SLC35F4: variants seen among roughly 807,000 people sequenced by gnomAD.
The protein encoded by SLC35F4 is chromosome 14 open reading frame 36.
A neutral mutation model predicts 44.2 loss-of-function variants in SLC35F4; 24 were observed. That is an observed-to-expected ratio of 0.54 (90% CI 0.39 to 0.76). The LOEUF (loss-of-function observed/expected upper bound fraction) is 0.76. Among genes scored for constraint, SLC35F4 ranks in the 30% least tolerant of loss-of-function variants. SLC35F4 has a pLI of 0.00. For synonymous variants in SLC35F4, 238 were observed against 223.6 expected (o/e 1.06, Z -0.57); for missense variants, 562 against 586.1 (o/e 0.96, Z 0.42).
At chr14:57,722,152 C>T (rs1235586042) in intron 1 of SLC35F4, among the ~76,000 whole-genome samples, 1 of 152,154 alleles carries the variant, frequency 6.6e-6, no homozygotes, top group African/African-American at 2.4e-5. Context: ...GTGGAAGGAA[C>T]ACAGAGTTGG....
intron 3 of SLC35F4, among the ~76,000 whole-genome samples, chr14:57,588,416 GCTTTTC>G (rs2069934078): frequency 5.9e-5 from 9 of 151,644 alleles, no homozygotes; most frequent in Admixed American, 5.3e-4. Flanking sequence ...TCAGCATCAG[GCTTTTC>G]CTCTTCATGG....
intron 1 of SLC35F4, among the ~76,000 whole-genome samples, chr14:57,893,897 C>T (rs1160758660): frequency 1.3e-5 from 2 of 151,530 alleles, no homozygotes; most frequent in Non-Finnish European, 3.0e-5. Context: ...CATCCCAAAC[C>T]AAACTAATTG....
chr14:57,565,437 C>T (rs1427199174), intron 7 of SLC35F4, among the ~76,000 whole-genome samples: 3 of 152,192 alleles, frequency 2.0e-5, no homozygotes, highest in African/African-American at 7.2e-5. Context: ...TAAAGCAATT[C>T]TATGTTGTAA....
chr14:57,806,066 A>T (rs1388685663), intron 1 of SLC35F4, among the ~76,000 whole-genome samples: 1 of 152,208 alleles, frequency 6.6e-6, no homozygotes, highest in Non-Finnish European at 1.5e-5. Context: ...ATACCACTGG[A>T]AATTACATTT....
At chr14:57,861,954 C>T (rs1887715134) in intron 1 of SLC35F4, among the ~76,000 whole-genome samples, 1 of 152,200 alleles carries the variant, frequency 6.6e-6, no homozygotes, top group Non-Finnish European at 1.5e-5. Flanking sequence ...CACCCAAGTA[C>T]TGGCAAATCC....
chr14:57,583,806 A>G (rs897575690), intron 3 of SLC35F4, among the ~76,000 whole-genome samples: 11 of 152,176 alleles, frequency 7.2e-5, no homozygotes, highest in African/African-American at 2.7e-4. Flanking sequence ...TTAAGCATTA[A>G]ACTCTAAGAA....
intron 1 of SLC35F4, among the ~76,000 whole-genome samples, chr14:57,936,580 A>G (rs2141069363): frequency 6.6e-6 from 1 of 152,350 alleles, no homozygotes; most frequent in South Asian, 2.1e-4. Flanking sequence ...AGAGACATCT[A>G]TGTGCTATTG....
intron 1 of SLC35F4, among the ~76,000 whole-genome samples, chr14:57,720,494 G>C (rs544100748): frequency 7.2e-5 from 11 of 152,232 alleles, no homozygotes; most frequent in Admixed American, 7.2e-4. Flanking sequence ...GTTTTATTAT[G>C]GCATTGATCT....
chr14:57,588,332 C>T (rs573540093), intron 3 of SLC35F4, among the ~76,000 whole-genome samples: 170 of 151,598 alleles, frequency 1.1e-3, no homozygotes, highest in Middle Eastern at 3.4e-3. Flanking sequence ...AACTCTTCTT[C>T]CATCTGCCAT....
intron 1 of SLC35F4, among the ~76,000 whole-genome samples, chr14:57,963,657 A>G (rs1331422109): frequency 6.7e-6 from 1 of 148,442 alleles, no homozygotes; most frequent in Non-Finnish European, 1.5e-5. Context: ...CAGACGACCC[A>G]GGACTCATCT....
chr14:57,875,636 G>A (rs1374415351), intron 1 of SLC35F4, among the ~76,000 whole-genome samples: 1 of 152,204 alleles, frequency 6.6e-6, no homozygotes. Flanking sequence ...CAGCAGTTCA[G>A]TCCAGGCTTA....
intron 1 of SLC35F4, among the ~76,000 whole-genome samples, chr14:57,936,629 C>T (rs879699367): frequency 6.6e-6 from 1 of 152,124 alleles, no homozygotes; most frequent in Non-Finnish European, 1.5e-5. Context: ...GCTAAACATC[C>T]TACAATGCAA....
rs72624737 is a variant in SLC35F4, at chr14:57,882,191, C to G, written n.282+99722G>C. ...CCTCCTGGATCCATCCCCCTTCCCC[C>G]TGGAGAAACTACAGGAACTCCTGAG... On this transcript the variant is annotated intron_variant and non_coding_transcript_variant, in intron 1 of 1. Coordinates refer to the SLC35F4 transcript ENST00000556568. 0.023 allele frequency among the ~76,000 whole-genome samples: 3,441 copies of G among 152,274 alleles called. 426 individuals are homozygous for G. In the East Asian group the frequency reaches 0.39, roughly 17 times the overall value.
At chr14:57,786,039 A>T (rs2077749358) in intron 1 of SLC35F4, among the ~76,000 whole-genome samples, 1 of 151,886 alleles carries the variant, frequency 6.6e-6, no homozygotes, top group African/African-American at 2.4e-5. Context: ...AGCCCCCCTC[A>T]CCCTCTGCCT....
At chr14:57,864,370 C>T (rs1284864082) in intron 1 of SLC35F4, among the ~76,000 whole-genome samples, 1 of 152,194 alleles carries the variant, frequency 6.6e-6, no homozygotes, top group Non-Finnish European at 1.5e-5. Context: ...TATATAATTA[C>T]TTTTGTATGG....
chr14:57,751,081 G>C (rs568112594), intron 1 of SLC35F4, among the ~76,000 whole-genome samples: 4 of 152,248 alleles, frequency 2.6e-5, no homozygotes, highest in Non-Finnish European at 5.9e-5. Context: ...TGTCAAACAT[G>C]GGGCAGGGAC....
At chr14:57,776,436 A>G (rs1253626061) in intron 1 of SLC35F4, among the ~76,000 whole-genome samples, 1 of 152,036 alleles carries the variant, frequency 6.6e-6, no homozygotes, top group East Asian at 1.9e-4. Context: ...TTGGGAGGCC[A>G]CGGGCGGATC....
chr14:57,595,422 C>CT lies in SLC35F4; in HGVS notation c.104-1299dup, dbSNP rs1374326372. 3.9e-5 allele frequency among the ~76,000 whole-genome samples: 6 copies of CT among 152,124 alleles called. No individual in the cohort carries two copies. In the South Asian group the frequency reaches 1.2e-3, roughly 32 times the overall value. On this transcript the variant is annotated intron_variant, in intron 1 of 7. Transcript: ENST00000556826. ...CGTGTTGGCCAGGTTTCTCCACTGTCTTTTTTTTCCCTTTCCATGCTCTCT... is the reference window on the plus strand; with the variant it reads ...CGTGTTGGCCAGGTTTCTCCACTGTCTTTTTTTTTCCCTTTCCATGCTCTCT...
intron 1 of SLC35F4, among the ~76,000 whole-genome samples, chr14:57,822,637 G>T (rs1449145122): frequency 6.6e-6 from 1 of 152,012 alleles, no homozygotes; most frequent in Non-Finnish European, 1.5e-5. Context: ...AAACAATATT[G>T]TTGTCTCTAT....
Sources: gnomAD v4.1 joint callset for allele counts (sites outside exome capture counted in the v4.1 genomes callset) on GRCh38, gnomAD v4.1.1 for gene constraint, MANE v1.5 for transcripts, NCBI Gene and HGNC (gene_info 2026-07-23, HGNC 2026-07-21) for gene names.